PRKCI: variants seen among roughly 807,000 people sequenced by gnomAD.
PRKCI encodes protein kinase C iota type.
A neutral mutation model predicts 84.0 loss-of-function variants in PRKCI; 43 were observed. The ratio of observed to expected loss-of-function variants is 0.51; its 90% CI spans 0.40 to 0.66. PRKCI has a LOEUF of 0.66. Among genes scored for constraint, PRKCI ranks in the 30% least tolerant of loss-of-function variants. The pLI is 0.00. For missense variants in PRKCI, 459 were observed against 745.6 expected, an observed-to-expected ratio of 0.62 and a Z score of 4.48; for synonymous variants, 216 against 234.4, an observed-to-expected ratio of 0.92 and a Z score of 0.72.
At chr3:170,297,517 C>T (rs1387382335) in intron 16 of PRKCI, 124 bp downstream of exon 16, 7 of 738,534 alleles carry the variant, frequency 9.5e-6, no homozygotes, top group South Asian at 1.6e-5. Flanking sequence ...TACAATGGCA[C>T]GATCTCAGCT....
At chr3:170,278,583 G>T (rs1337068461) in intron 8 of PRKCI, among the ~76,000 whole-genome samples, 1 of 152,214 alleles carries the variant, frequency 6.6e-6, no homozygotes, top group Non-Finnish European at 1.5e-5. Flanking sequence ...TTGAGCCCAG[G>T]AGTTCATGGC....
intron 2 of PRKCI, among the ~76,000 whole-genome samples, chr3:170,246,565 G>A (rs1164214289): frequency 6.6e-6 from 1 of 152,122 alleles, no homozygotes; most frequent in East Asian, 1.9e-4. Context: ...AAAGTGTTAG[G>A]ATTACAGGCA....
At chr3:170,233,855 G>A (rs530130410) in intron 1 of PRKCI, among the ~76,000 whole-genome samples, 1 of 151,912 alleles carries the variant, frequency 6.6e-6, no homozygotes, top group South Asian at 2.1e-4. Context: ...CAGGTAGCTG[G>A]GATTATAGGC....
chr3:170,239,717 G>C (rs1485007925), intron 2 of PRKCI, among the ~76,000 whole-genome samples: 1 of 148,402 alleles, frequency 6.7e-6, no homozygotes, highest in Non-Finnish European at 1.5e-5. Flanking sequence ...TTCTTGCCCT[G>C]TTTTTTCTCT....
intron 4 of PRKCI, among the ~76,000 whole-genome samples, chr3:170,266,446 A>G (rs946672363): frequency 6.6e-6 from 1 of 152,004 alleles, no homozygotes; most frequent in Non-Finnish European, 1.5e-5. Flanking sequence ...AACACTACCT[A>G]TGTGTTATTT....
At chr3:170,249,400 G>GGAGA (rs763028580) in intron 2 of PRKCI, among the ~76,000 whole-genome samples, 1 of 151,340 alleles carries the variant, frequency 6.6e-6, no homozygotes. Flanking sequence ...GAGAGAGAAA[G>GGAGA]GAGAGAGAGA....
chr3:170,293,340 A>C (rs1473404308), intron 13 of PRKCI, 43 bp from the exon 14 acceptor site: 1 of 1,554,064 alleles, frequency 6.4e-7, no homozygotes, highest in Admixed American at 2.0e-5. Flanking sequence ...ACTTTCAAGA[A>C]TGCAAAGTGT....
At chr3:170,279,371 C>G (rs886376539) in intron 8 of PRKCI, among the ~76,000 whole-genome samples, 6 of 152,190 alleles carry the variant, frequency 3.9e-5, no homozygotes, top group African/African-American at 1.4e-4. Context: ...CATTCTCACT[C>G]AGTTTTTCTA....
chr3:170,247,657 G>A (rs576974766), intron 2 of PRKCI, among the ~76,000 whole-genome samples: 33 of 150,138 alleles, frequency 2.2e-4, no homozygotes, highest in African/African-American at 8.1e-4. Flanking sequence ...TTGAACCTGG[G>A]AGGTGGAGGT....
chr3:170,268,021 G>A (rs1342441496), intron 5 of PRKCI, 21 bp downstream of exon 5: 1 of 1,572,594 alleles, frequency 6.4e-7, no homozygotes, highest in Non-Finnish European at 8.7e-7. Flanking sequence ...TTTGTTGAAT[G>A]TCGATAATGT....
intron 12 of PRKCI, among the ~76,000 whole-genome samples, chr3:170,290,337 G>C (rs1377401961): frequency 3.3e-5 from 5 of 151,768 alleles, no homozygotes; most frequent in African/African-American, 1.2e-4. Context: ...GCCAGAGAAT[G>C]GTTTGAATAT....
intron 2 of PRKCI, among the ~76,000 whole-genome samples, chr3:170,245,437 C>G (rs1630138): frequency 6.6e-6 from 1 of 151,956 alleles, no homozygotes; most frequent in Non-Finnish European, 1.5e-5. Flanking sequence ...CATCTGGTGT[C>G]GGAAGCATTG....
rs948476837 is a variant in PRKCI, at chr3:170,305,174, T to C, written c.*2047T>C. ...ATGGCCTTGCTTTTAAGTGGTGCTG[T>C]TTCCCATAGGGCATTAGTTCTCAGA... On this transcript the variant is annotated 3_prime_UTR_variant, in exon 18 of 18. Coordinates refer to ENST00000295797, the MANE Select transcript of PRKCI (RefSeq NM_002740.6). 1.5e-4 allele frequency: 23 copies of C among 152,636 alleles called. No homozygotes were observed. Among genetic ancestry groups the C allele is most frequent in the African/African-American group, 5.3e-4 (22 of 41,454 alleles). The allele number at this position is 152,636 out of a possible 1,614,324, so 9.5% of individuals were successfully genotyped here.
intron 2 of PRKCI, among the ~76,000 whole-genome samples, chr3:170,258,880 G>A (rs536768093): frequency 3.9e-5 from 6 of 152,258 alleles, no homozygotes; most frequent in South Asian, 4.1e-4. Context: ...CTAACTAATC[G>A]TATTGTGGCA....
intron 10 of PRKCI, chr3:170,281,484 TGTC>T (rs1405825020): frequency 9.0e-6 from 4 of 443,676 alleles, no homozygotes; most frequent in Non-Finnish European, 1.6e-5. Flanking sequence ...GAAATAGCCA[TGTC>T]GTAATTATGG....
chr3:170,274,498 A>G (rs563770807), intron 7 of PRKCI, among the ~76,000 whole-genome samples: 1 of 152,306 alleles, frequency 6.6e-6, no homozygotes, highest in Admixed American at 6.5e-5. Context: ...ACATAGAGAG[A>G]TGCAATATAG....
At chr3:170,235,501 G>T (rs1732946351) in intron 2 of PRKCI, 150 bp downstream of exon 2, 4 of 755,822 alleles carry the variant, frequency 5.3e-6, no homozygotes, top group East Asian at 3.1e-5. Flanking sequence ...GTATTTAAAA[G>T]AATACTGAAG....
intron 8 of PRKCI, among the ~76,000 whole-genome samples, chr3:170,275,665 CTAT>C: frequency 6.6e-6 from 1 of 151,760 alleles, no homozygotes; most frequent in Middle Eastern, 3.4e-3. Context: ...GTTTTTTTGA[CTAT>C]TAAGTATTTT....
intron 2 of PRKCI, among the ~76,000 whole-genome samples, chr3:170,247,969 A>G (rs1733332876): frequency 6.6e-6 from 1 of 152,120 alleles, no homozygotes; most frequent in African/African-American, 2.4e-5. Context: ...GTAAGGGAGT[A>G]CAGTGACTTT....
Sources: allele counts gnomAD v4.1 joint callset (sites outside exome capture counted in the v4.1 genomes callset), GRCh38; gene constraint gnomAD v4.1.1; transcripts MANE v1.5; gene names NCBI Gene and HGNC (gene_info 2026-07-23, HGNC 2026-07-21).